The following USP54 variants were observed in gnomAD, a reference collection of about 807,000 sequenced individuals.
USP54 encodes the protein ubiquitin specific peptidase 54.
Under a neutral mutation model 170.5 loss-of-function variants are expected in USP54, and 87 were observed. That is an observed-to-expected ratio of 0.51 (90% confidence interval 0.43 to 0.61). The LOEUF (loss-of-function observed/expected upper bound fraction) is 0.61, where lower values mean the gene tolerates loss of function less well. Among genes scored for constraint, USP54 ranks in the 20% least tolerant of loss-of-function variants. The pLI is 0.00. For synonymous variants in USP54, 655 were observed against 742.8 expected (o/e 0.88, Z 1.92); for missense variants, 1,786 against 2,047.8 (o/e 0.87, Z 2.47).
chr10:73,564,967 G>A (rs563823408), intron 4 of USP54, among the ~76,000 whole-genome samples: 1 of 151,412 alleles, frequency 6.6e-6, no homozygotes, highest in African/African-American at 2.4e-5. Flanking sequence ...CTAGCTACTT[G>A]GGAGGCTGAG....
In USP54 at chr10:73,498,878, A is replaced by G. The variant is rs747815126; in HGVS notation, c.4806T>C (p.Pro1602=). Residue 1602 remains proline, a synonymous_variant, in exon 24 of 24, where the codon CCT becomes CCC. Transcript: ENST00000687698. ...HSPSHPPIVH[P]VYPPSSSLHV... ...GAAGACTGCTAGATGGTGGGTACACAGGATGAACAATGGGAGGGTGGGAGG... is the reference window on the plus strand; with the variant it reads ...GAAGACTGCTAGATGGTGGGTACACGGGATGAACAATGGGAGGGTGGGAGG... 1.9e-6 allele frequency: 2 copies of G among 1,059,754 alleles called. No homozygotes were observed. Among genetic ancestry groups the G allele is most frequent in the Non-Finnish European group, 1.4e-6 (1 of 728,956 alleles). The allele number at this position is 1,059,754 out of a possible 1,614,324, so 65.6% of individuals were successfully genotyped here.
chr10:73,611,003 T>C (rs2080095803), intron 1 of USP54, among the ~76,000 whole-genome samples: 1 of 152,192 alleles, frequency 6.6e-6, no homozygotes, highest in African/African-American at 2.4e-5. Flanking sequence ...AAGTCACTTA[T>C]CTATAGAGAA....
intron 1 of USP54, among the ~76,000 whole-genome samples, chr10:73,610,965 T>C (rs973672276): frequency 2.0e-5 from 3 of 152,212 alleles, no homozygotes; most frequent in Middle Eastern, 3.2e-3. Context: ...CAACAAGCTA[T>C]GTAATGAATA....
At chr10:73,596,533 T>G (rs1271535922) in intron 1 of USP54, among the ~76,000 whole-genome samples, 32 of 151,404 alleles carry the variant, frequency 2.1e-4, no homozygotes, top group Admixed American at 2.0e-3. Flanking sequence ...CACTCCAGCC[T>G]GGGTGACAGA....
At chr10:73,569,037 G>T (rs772943432) in intron 4 of USP54, among the ~76,000 whole-genome samples, 1 of 152,086 alleles carries the variant, frequency 6.6e-6, no homozygotes, top group African/African-American at 2.4e-5. Flanking sequence ...GCACAGTCCC[G>T]ACTAGTCAAA....
intron 10 of USP54, 41 bp from the exon 11 acceptor site, chr10:73,536,478 T>C: frequency 2.7e-6 from 4 of 1,482,586 alleles, no homozygotes; most frequent in Non-Finnish European, 3.6e-6. Flanking sequence ...AATTATACTT[T>C]ATACCCACAA....
rs1428396764 is a variant in USP54, at chr10:73,516,961, C to T, written c.3465G>A (p.Leu1155=). 3 of 1,614,212 alleles carry T rather than the reference C, an allele frequency of 1.9e-6. No homozygotes were observed. The African/African-American group carries it at 4.0e-5, about 22-fold the overall frequency. ...RDSTGFKDRS[L]SGSLRKNSSP... Reference sequence around the variant, plus strand: ...AAGAGTTCTTCCTTAGACTACCTGACAAACTTCTATCCTTGAAACCTGTAC... The same window carrying T: ...AAGAGTTCTTCCTTAGACTACCTGATAAACTTCTATCCTTGAAACCTGTAC... Residue 1155 remains leucine (L), a synonymous_variant, in exon 20 of 24, where the codon TTG becomes TTA. Transcript: ENST00000687698.
chr10:73,541,808 C>T lies in USP54; in HGVS notation c.573-70G>A. On this transcript the variant is annotated intron_variant, in intron 7 of 23. Coordinates refer to ENST00000687698, the MANE Select transcript of USP54 (RefSeq NM_001391956.1). Reference sequence around the variant, plus strand: ...TACTGCTAAATCAAACATTAATGTACATTCCTAACTCACACATTTGACTTT... The same window carrying T: ...TACTGCTAAATCAAACATTAATGTATATTCCTAACTCACACATTTGACTTT... 2.1e-6 allele frequency: 3 copies of T among 1,462,176 alleles called. No homozygotes were observed. The South Asian group carries it at 3.6e-5, about 17-fold the overall frequency. The allele number at this position is 1,462,176 out of a possible 1,614,324, so 90.6% of individuals were successfully genotyped here.
chr10:73,519,940 G>C lies in USP54; in HGVS notation c.2535C>G (p.Ala845=). The C allele has an allele frequency of 6.2e-7, 1 of 1,613,594 alleles. No individual in the cohort carries two copies. The change falls in exon 19 of 24, where the codon GCC becomes GCG. Residue 845 remains alanine (A), a synonymous_variant. Transcript: ENST00000687698. ...HGASCSTHSR[A]LVDKKLQISI... is the part of the protein sequence containing the mutation. ...TGATTTGCAACTTCTTATCGACTAG[G>C]GCTCTGCTGTGCGTGCTACAGCTGG...
chr10:73,584,045 A>G (rs1380450423), intron 1 of USP54, among the ~76,000 whole-genome samples: 2 of 152,202 alleles, frequency 1.3e-5, no homozygotes, highest in East Asian at 3.8e-4. Flanking sequence ...CATTTGGGAA[A>G]TAAATATTTA....
At chr10:73,515,417 A>T (rs575395672) in intron 20 of USP54, among the ~76,000 whole-genome samples, 1 of 152,208 alleles carries the variant, frequency 6.6e-6, no homozygotes, top group Non-Finnish European at 1.5e-5. Context: ...AAGTGCATCA[A>T]TGTAAGTTAC....
intron 19 of USP54, among the ~76,000 whole-genome samples, 200 bp from the exon 20 acceptor site, chr10:73,517,947 T>C (rs914277614): frequency 1.3e-5 from 2 of 152,138 alleles, no homozygotes; most frequent in Admixed American, 1.3e-4. Flanking sequence ...CTCAGGTAAA[T>C]AGGTAACGTT....
intron 16 of USP54, 112 bp from the exon 17 acceptor site, chr10:73,523,862 G>T: frequency 1.7e-6 from 1 of 598,000 alleles, no homozygotes; most frequent in Non-Finnish European, 2.6e-6. Flanking sequence ...TTTCAATTTG[G>T]AGTTTATTTA....
rs1258234742 is a variant in USP54 at position 73,504,713 on chromosome 10, G to A, written c.4311+137C>T. ...TTTGTAAATAAAATAATGACTGCGT[G>A]TCCTTATTTTTGCTGAGTACACAGG... On this transcript the variant is annotated intron_variant, in intron 22 of 23. Transcript: ENST00000687698. 9.9e-6 allele frequency: 11 copies of A among 1,109,610 alleles called. No homozygotes were observed. The East Asian group carries it at 2.3e-4, about 23-fold the overall frequency. 68.7% of individuals were successfully genotyped at this position (1,109,610 alleles called of 1,614,324 possible).
At chr10:73,504,770 C>G in intron 22 of USP54, 80 bp downstream of exon 22, 1 of 1,588,616 alleles carries the variant, frequency 6.3e-7, no homozygotes. Context: ...TTCACTTTCT[C>G]CCTGCTTCTT....
Position 73,541,541 on chromosome 10 carries a change from C to T in USP54, c.679-20G>A. ...GTTGCTCTGAAATACATATATAAGG[C>T]TAGTTCAACATGTTTCCCACTGGCT... On this transcript the variant is annotated intron_variant, in intron 8 of 23. Transcript: ENST00000687698. The T allele has an allele frequency of 6.2e-7, 1 of 1,613,896 alleles. No individual in the cohort carries two copies. The highest frequency in any genetic ancestry group is 1.1e-5 in the South Asian group (1 of 91,056).
intron 19 of USP54, chr10:73,519,142 A>G (rs1354626717): frequency 2.8e-5 from 3 of 106,644 alleles, no homozygotes; most frequent in Non-Finnish European, 5.3e-5. Context: ...CCTGTCTCCA[A>G]AAAAAAAAAA....
At chr10:73,604,993 A>G (rs2132282635) in intron 1 of USP54, among the ~76,000 whole-genome samples, 1 of 152,268 alleles carries the variant, frequency 6.6e-6, no homozygotes, top group Admixed American at 6.5e-5. Flanking sequence ...TCCATTTTAC[A>G]GAGTACTGAT....
chr10:73,505,055 G>A lies in USP54; in HGVS notation c.4171-65C>T, dbSNP rs2058861906. On this transcript the variant is annotated intron_variant, in intron 21 of 23. Transcript: ENST00000687698. ...CAGACTTATGGTTTTCCCACAGACA[G>A]TATCCTCAGGGTATGGGAAAGAGTA... is the stretch of plus-strand genomic sequence containing the variant. 2.5e-6 allele frequency: 4 copies of A among 1,603,246 alleles called. No individual in the cohort carries two copies. In the East Asian group the frequency reaches 6.7e-5, roughly 27 times the overall value.
Sources: gnomAD v4.1 joint callset for allele counts (sites outside exome capture counted in the v4.1 genomes callset) on GRCh38, gnomAD v4.1.1 for gene constraint, MANE v1.5 for transcripts, NCBI Gene and HGNC (gene_info 2026-07-23, HGNC 2026-07-21) for gene names.